ZPBP: variants seen among roughly 807,000 people sequenced by gnomAD.
ZPBP encodes the protein zona pellucida-binding protein 1.
A neutral mutation model predicts 44.8 loss-of-function variants in ZPBP; 26 were observed. The ratio of observed to expected loss-of-function variants is 0.58; its 90% CI spans 0.43 to 0.81. The LOEUF (loss-of-function observed/expected upper bound fraction) is 0.81, where lower values mean the gene tolerates loss of function less well. Ranked by LOEUF, ZPBP falls within the 30% of genes least tolerant of loss-of-function variation. The pLI is 0.00. For synonymous variants in ZPBP, 174 were observed against 153.2 expected (o/e 1.14, Z -1.00); for missense variants, 409 against 434.0 (o/e 0.94, Z 0.51).
chr7:49,935,359 TCTC>T (rs1794585162), downstream of ZPBP, among the ~76,000 whole-genome samples: 1 of 152,150 alleles, frequency 6.6e-6, no homozygotes, highest in South Asian at 2.1e-4. Context: ...TTTCCTTCCT[TCTC>T]CTATTTTGTC....
At chr7:49,929,361 G>A (rs1219601080) in intron 1 of ZPBP, among the ~76,000 whole-genome samples, 1 of 152,180 alleles carries the variant, frequency 6.6e-6, no homozygotes, top group Admixed American at 6.5e-5. Context: ...CCCAGCAAAA[G>A]AGAACTGTCC....
intron 4 of ZPBP, among the ~76,000 whole-genome samples, chr7:50,033,596 A>G (rs1799695721): frequency 6.6e-6 from 1 of 152,224 alleles, no homozygotes; most frequent in African/African-American, 2.4e-5. Context: ...AGAGGATTTT[A>G]AAAGTCTTTT....
intron 2 of ZPBP, among the ~76,000 whole-genome samples, chr7:49,895,366 A>G (rs979558852): frequency 6.6e-6 from 1 of 152,216 alleles, no homozygotes; most frequent in African/African-American, 2.4e-5. Context: ...TACGAATTCC[A>G]GGGGGACACC....
intron 2 of ZPBP, among the ~76,000 whole-genome samples, chr7:49,861,544 G>T (rs1583699054): frequency 6.6e-6 from 1 of 152,076 alleles, no homozygotes; most frequent in African/African-American, 2.4e-5. Context: ...ATGTTTTGGT[G>T]TCATTTCTAA....
intron 6 of ZPBP, among the ~76,000 whole-genome samples, chr7:50,006,108 A>G (rs773268030): frequency 6.6e-6 from 1 of 151,970 alleles, no homozygotes; most frequent in Non-Finnish European, 1.5e-5. Flanking sequence ...ATAATCATAA[A>G]TATATATACA....
rs145267446 is a variant in ZPBP, at chr7:50,003,085, T to C, written c.783+15155A>G. On this transcript the variant is annotated intron_variant, in intron 6 of 7. Coordinates refer to ENST00000046087, the MANE Select transcript of ZPBP (RefSeq NM_007009.3). ...TTTGGAGGAAAAACCCTAAAAGACA[T>C]ACTAGTACTGAAAATGGTATGGGAA... Among the ~76,000 whole-genome samples the C allele has an allele frequency of 2.8e-3, 426 of 152,256 alleles. 3 individuals carry two copies. The highest frequency in any genetic ancestry group is 9.4e-3 in the African/African-American group (391 of 41,562).
At chr7:49,917,856 T>C (rs1417461461) in intron 1 of ZPBP, 1 of 152,182 alleles carries the variant, frequency 6.6e-6, no homozygotes, top group Non-Finnish European at 1.5e-5. Flanking sequence ...AGATTTCATT[T>C]TTCCATTCCC....
intron 1 of ZPBP, among the ~76,000 whole-genome samples, chr7:49,905,088 C>T (rs1380125542): frequency 6.6e-6 from 1 of 152,178 alleles, no homozygotes; most frequent in African/African-American, 2.4e-5. Flanking sequence ...AGCTAAAAAT[C>T]ACTTAAGATG....
At chr7:49,981,610 A>ATT (rs1796954292) in intron 7 of ZPBP, among the ~76,000 whole-genome samples, 1 of 5,244 alleles carries the variant, frequency 1.9e-4, no homozygotes, top group Non-Finnish European at 3.3e-4. Context: ...TAAATTATAT[A>ATT]ATTATATTAT....
chr7:49,880,729 G>C (rs1331615471), intron 2 of ZPBP, among the ~76,000 whole-genome samples: 1 of 152,054 alleles, frequency 6.6e-6, no homozygotes, highest in Non-Finnish European at 1.5e-5. Flanking sequence ...TACACCTAAT[G>C]TAAATGACGA....
At chr7:49,900,509 T>TA (rs983950570) in intron 2 of ZPBP, among the ~76,000 whole-genome samples, 59 of 151,484 alleles carry the variant, frequency 3.9e-4, no homozygotes, top group Admixed American at 1.4e-3. Context: ...AAAGGGATAA[T>TA]AAAAAAATAC....
intron 2 of ZPBP, among the ~76,000 whole-genome samples, chr7:49,870,273 G>A (rs536830540): frequency 8.2e-4 from 125 of 152,230 alleles, no homozygotes; most frequent in African/African-American, 9.6e-4. Flanking sequence ...GGTGGCGGGC[G>A]CCTGTAGTCC....
At chr7:49,867,133 G>C (rs1790927217) in intron 2 of ZPBP, among the ~76,000 whole-genome samples, 1 of 152,106 alleles carries the variant, frequency 6.6e-6, no homozygotes. Context: ...GGAGCCTCTC[G>C]AGAGAACAAC....
At chr7:49,961,770 GGAGA>G (rs936161304) in intron 7 of ZPBP, among the ~76,000 whole-genome samples, 1 of 152,048 alleles carries the variant, frequency 6.6e-6, no homozygotes, top group African/African-American at 2.4e-5. Context: ...ATATAACTGA[GGAGA>G]GAGAGAAGAC....
At chr7:49,989,210 A>T (rs919989462) in intron 6 of ZPBP, among the ~76,000 whole-genome samples, 38 of 152,338 alleles carry the variant, frequency 2.5e-4, no homozygotes, top group Non-Finnish European at 1.6e-4. Context: ...ACTTGCAGAT[A>T]AAGGTCCCAT....
At chr7:50,070,720 C>T (rs977148672) in intron 3 of ZPBP, among the ~76,000 whole-genome samples, 21 of 152,102 alleles carry the variant, frequency 1.4e-4, no homozygotes, top group African/African-American at 5.1e-4. Flanking sequence ...ACCTTTTAAG[C>T]ATTTTGTGGG....
At chr7:49,927,667 T>G (rs1794291666) in intron 1 of ZPBP, among the ~76,000 whole-genome samples, 1 of 152,178 alleles carries the variant, frequency 6.6e-6, no homozygotes, top group African/African-American at 2.4e-5. Context: ...CTAGCTCAAC[T>G]AAGTGATGTC....
chr7:50,002,836 A>C (rs1798154856), intron 6 of ZPBP, among the ~76,000 whole-genome samples: 1 of 152,192 alleles, frequency 6.6e-6, no homozygotes, highest in Admixed American at 6.5e-5. Flanking sequence ...AAAGCTCAGG[A>C]ACATTTATAA....
chr7:49,876,494 CTATAAT>C (rs1791418699), intron 2 of ZPBP, among the ~76,000 whole-genome samples: 1 of 152,066 alleles, frequency 6.6e-6, no homozygotes. Context: ...ACAAACTCAT[CTATAAT>C]TATAATTCTC....
Sources: gnomAD v4.1 joint callset for allele counts (sites outside exome capture counted in the v4.1 genomes callset) on GRCh38, gnomAD v4.1.1 for gene constraint, MANE v1.5 for transcripts, NCBI Gene and HGNC (gene_info 2026-07-23, HGNC 2026-07-21) for gene names.